The following TCF20 variants were observed in gnomAD, a reference collection of about 807,000 sequenced individuals.
TCF20 encodes the protein transcription factor 20.
A neutral mutation model predicts 148.6 loss-of-function variants in TCF20; 3 were observed. The observed-to-expected ratio is 0.02, with a 90% confidence interval of 0.01 to 0.05. TCF20 has a LOEUF of 0.05. Ranked by LOEUF, TCF20 falls within the 10% of genes least tolerant of loss-of-function variation. The pLI, the probability that TCF20 is intolerant of heterozygous loss-of-function variation, is 1.00. For missense variants in TCF20, 2,350 were observed against 2,429.3 expected (o/e 0.97, Z 0.69); for synonymous variants, 1,049 against 909.5 (o/e 1.15, Z -2.76).
intron 1 of TCF20, among the ~76,000 whole-genome samples, chr22:42,228,608 G>C (rs960851132): frequency 6.6e-6 from 1 of 152,204 alleles, no homozygotes; most frequent in Non-Finnish European, 1.5e-5. Flanking sequence ...TTTGTGAAGA[G>C]GAACGAGGCT....
rs1318844753 is a variant in TCF20, at chr22:42,279,641, T to A, written c.-37+4186A>T. Reference sequence around the variant, plus strand: ...CTGCGCTTCTCAGTGCCACAAGTGCTGTTGCCATCATTCCAGCCTCAGGTG... The same window carrying A: ...CTGCGCTTCTCAGTGCCACAAGTGCAGTTGCCATCATTCCAGCCTCAGGTG... On this transcript the variant is annotated intron_variant, in intron 1 of 5. Coordinates refer to the TCF20 transcript ENST00000359486. The surrounding 1 kb of genome is among the most constrained non-coding windows in gnomAD (Gnocchi z 4.3). Among the ~76,000 whole-genome samples, 2 of 152,212 alleles carry A rather than the reference T, an allele frequency of 1.3e-5. No homozygotes were observed. Among genetic ancestry groups the A allele is most frequent in the Non-Finnish European group, 2.9e-5 (2 of 68,032 alleles).
rs1926848187 is a variant in TCF20 at position 42,279,234 on chromosome 22, G to A, written c.-37+4593C>T. On this transcript the variant is annotated intron_variant, in intron 1 of 5. Transcript: ENST00000359486. This position sits in a 1 kb window ranked among gnomAD's most constrained non-coding sequence, Gnocchi z 4.3. ...AAAAAGAAAGGAAGGGCCAGGTGCAGTGGCTCATACCTGTAGTCCCAGCAC... is the reference window on the plus strand; with the variant it reads ...AAAAAGAAAGGAAGGGCCAGGTGCAATGGCTCATACCTGTAGTCCCAGCAC... Among the ~76,000 whole-genome samples the A allele has an allele frequency of 6.6e-6, 1 of 152,170 alleles. No homozygotes were observed.
chr22:42,183,742 A>G (rs931450933), intron 2 of TCF20, among the ~76,000 whole-genome samples: 4 of 150,398 alleles, frequency 2.7e-5, no homozygotes, highest in African/African-American at 9.8e-5. Flanking sequence ...ATTTCCCAAG[A>G]CTCTCAAGTG....
chr22:42,221,316 C>T (rs1922337167), intron 1 of TCF20, among the ~76,000 whole-genome samples: 2 of 152,172 alleles, frequency 1.3e-5, no homozygotes, highest in South Asian at 4.1e-4. Context: ...TTGGGTAAAG[C>T]CTTAATTCCT....
chr22:42,173,907 G>A (rs996566123), intron 3 of TCF20, among the ~76,000 whole-genome samples: 5 of 152,168 alleles, frequency 3.3e-5, no homozygotes, highest in Admixed American at 2.6e-4. Context: ...TGCTGGACAC[G>A]CGGCCACCAA....
intron 2 of TCF20, among the ~76,000 whole-genome samples, chr22:42,198,934 G>C (rs1937783566): frequency 6.6e-6 from 1 of 152,080 alleles, no homozygotes; most frequent in African/African-American, 2.4e-5. Flanking sequence ...CAAGGTTCTG[G>C]GATTACAGGC....
In TCF20 at chr22:42,213,519, T is replaced by C. The variant is rs757979794; in HGVS notation, c.1787A>G (p.Asn596Ser). Reference sequence around the variant, plus strand: ...AACAGTCTTCTCATTAACCTTTGGGTTCCCGTCGGATGACAATGGCATGTC... The same window carrying C: ...AACAGTCTTCTCATTAACCTTTGGGCTCCCGTCGGATGACAATGGCATGTC... ...AKDMPLSSDG[N>S]PKVNEKTVGV... The change falls in exon 2 of 6, where the codon AAC (asparagine) becomes AGC (serine). Residue 596 changes from asparagine to serine, a missense_variant. Asn to Ser is a conservative substitution (Grantham distance 46). This residue lies in a region of TCF20 where 1,641 missense variants were observed against 1,662.6 expected (regional missense o/e 0.99). Transcript: ENST00000677622. The C allele has an allele frequency of 1.1e-5, 17 of 1,614,062 alleles. No homozygotes were observed. The Admixed American group carries it at 2.7e-4, about 25-fold the overall frequency.
rs761261015 is a variant in TCF20 at position 42,211,132 on chromosome 22, G to GACC, written c.4171_4173dup (p.Gly1391dup). The GACC allele has an allele frequency of 6.2e-7, 1 of 1,614,030 alleles. No individual in the cohort carries two copies. The highest frequency in any genetic ancestry group is 8.5e-7 in the Non-Finnish European group (1 of 1,180,046). On this transcript the variant is annotated inframe_insertion, in exon 2 of 6. Coordinates refer to ENST00000677622, the MANE Select transcript of TCF20 (RefSeq NM_001378418.1). ...ACAGCAACACTCCCACCTTCAGGAG[G>GACC]ACCACTCTTCAAAGACAGTATATCA...
chr22:42,323,916 GAT>G, intron 1 of TCF20, among the ~76,000 whole-genome samples: 1 of 126,750 alleles, frequency 7.9e-6, no homozygotes, highest in Admixed American at 7.8e-5. Context: ...TGGTGGTGGT[GAT>G]GGAGGTTATG....
intron 1 of TCF20, among the ~76,000 whole-genome samples, chr22:42,246,892 G>A (rs543864373): frequency 1.4e-4 from 21 of 151,662 alleles, no homozygotes; most frequent in East Asian, 1.2e-3. Flanking sequence ...CTTGAACCTG[G>A]GAAGCAGGGG....
At chr22:42,311,023 A>G (rs1370744490) in intron 1 of TCF20, among the ~76,000 whole-genome samples, 1 of 152,150 alleles carries the variant, frequency 6.6e-6, no homozygotes, top group Admixed American at 6.5e-5. Flanking sequence ...ACACTTAGGA[A>G]CCGTATGGCT....
chr22:42,298,605 C>T (rs1487667937), intron 1 of TCF20, among the ~76,000 whole-genome samples: 1 of 152,166 alleles, frequency 6.6e-6, no homozygotes. Flanking sequence ...CATCTTTGCA[C>T]GGATGGTGCT....
chr22:42,340,443 A>C (rs2147064113), intron 1 of TCF20, among the ~76,000 whole-genome samples: 1 of 152,292 alleles, frequency 6.6e-6, no homozygotes, highest in South Asian at 2.1e-4. Context: ...CCTCCACTGC[A>C]TGAGACTAGC....
chr22:42,318,613 G>A (rs982223243), intron 1 of TCF20, among the ~76,000 whole-genome samples: 17 of 152,092 alleles, frequency 1.1e-4, no homozygotes, highest in African/African-American at 4.1e-4. Context: ...TGCCCAGTGA[G>A]CCCTAGCACT....
chr22:42,179,544 G>C (rs2087258957), intron 3 of TCF20, 65 bp downstream of exon 3: 4 of 927,152 alleles, frequency 4.3e-6, no homozygotes, highest in South Asian at 3.7e-5. Context: ...CGACAACAGA[G>C]AGAATCAAAC....
rs1231231762 is a variant in TCF20 at position 42,292,621 on chromosome 22, A to G, written c.-37+50858T>C. ...GTGGCCTGGATAAATCCCAGAAGGCATCCCAGAAGAGGGGGTGTTTAAGCA... is the reference window on the plus strand; with the variant it reads ...GTGGCCTGGATAAATCCCAGAAGGCGTCCCAGAAGAGGGGGTGTTTAAGCA... On this transcript the variant is annotated intron_variant, in intron 1 of 1. Transcript: ENST00000515426. This position sits in a 1 kb window ranked among gnomAD's most constrained non-coding sequence, Gnocchi z 4.9. Among the ~76,000 whole-genome samples, 1 of 152,104 alleles carries G rather than the reference A, an allele frequency of 6.6e-6. No individual in the cohort carries two copies. The highest frequency in any genetic ancestry group is 1.5e-5 in the Non-Finnish European group (1 of 68,030).
intron 1 of TCF20, among the ~76,000 whole-genome samples, chr22:42,239,207 T>C (rs1248499501): frequency 2.0e-5 from 3 of 152,014 alleles, no homozygotes; most frequent in Admixed American, 1.3e-4. Context: ...CTGGGCGCGG[T>C]GGCTCATGCC....
intron 1 of TCF20, among the ~76,000 whole-genome samples, chr22:42,301,922 G>C (rs1422443595): frequency 6.6e-6 from 1 of 152,254 alleles, no homozygotes; most frequent in Non-Finnish European, 1.5e-5. Context: ...GGCAGGCCTG[G>C]ATTCCGGGCC....
At chr22:42,330,274 T>A (rs1398738400) in intron 1 of TCF20, among the ~76,000 whole-genome samples, 1 of 152,194 alleles carries the variant, frequency 6.6e-6, no homozygotes, top group African/African-American at 2.4e-5. Flanking sequence ...AAAGGGTCAA[T>A]GAGAGGGCAT....
Sources: gnomAD v4.1 joint callset for allele counts (sites outside exome capture counted in the v4.1 genomes callset) on GRCh38, gnomAD v4.1.1 for gene constraint, gnomAD v4.1.1 regional missense constraint, Gnocchi (gnomAD v3.1) non-coding constraint, MANE v1.5 for transcripts, NCBI Gene and HGNC (gene_info 2026-07-23, HGNC 2026-07-21) for gene names.